The following CDH12 variants were observed in gnomAD, a reference collection of about 807,000 sequenced individuals.
The protein encoded by CDH12 is cadherin-12.
In CDH12, 41 loss-of-function variants were observed where a neutral mutation model predicts 74.1. The observed-to-expected ratio is 0.55, with a 90% CI of 0.43 to 0.72. The LOEUF (loss-of-function observed/expected upper bound fraction) is 0.72. CDH12 is among the 30% of genes least tolerant of loss of function. The probability of loss-of-function intolerance (pLI) is 0.00; values close to 1 mark genes in which losing one functional copy is unlikely to be tolerated. For synonymous variants in CDH12, 399 were observed against 355.0 expected (o/e 1.12, Z -1.39); for missense variants, 945 against 977.2 (o/e 0.97, Z 0.44).
chr5:22,625,208 T>C (rs577477069), intron 1 of CDH12, among the ~76,000 whole-genome samples: 35 of 152,172 alleles, frequency 2.3e-4, no homozygotes, highest in African/African-American at 8.0e-4. Flanking sequence ...ATACCTAATA[T>C]AAATGATGAG....
intron 8 of CDH12, among the ~76,000 whole-genome samples, chr5:21,828,064 GT>G (rs1748779615): frequency 6.6e-6 from 1 of 151,450 alleles, no homozygotes; most frequent in Non-Finnish European, 1.5e-5. Flanking sequence ...AACACTAAAA[GT>G]TTTTTCATAA....
chr5:22,745,741 C>T (rs1028543357), intron 1 of CDH12, among the ~76,000 whole-genome samples: 4 of 151,934 alleles, frequency 2.6e-5, no homozygotes, highest in African/African-American at 9.7e-5. Context: ...CAGAGCGGAA[C>T]GTATCCACTG....
At chr5:21,869,904 C>T (rs992536430) in intron 6 of CDH12, among the ~76,000 whole-genome samples, 4 of 152,040 alleles carry the variant, frequency 2.6e-5, no homozygotes, top group Non-Finnish European at 5.9e-5. Context: ...GTGTCCCCAC[C>T]CAAATCTTAT....
chr5:22,306,038 C>T (rs1226612285), intron 3 of CDH12, among the ~76,000 whole-genome samples: 1 of 152,070 alleles, frequency 6.6e-6, no homozygotes, highest in African/African-American at 2.4e-5. Flanking sequence ...TACAAACTGA[C>T]CAATTGAACT....
chr5:22,766,228 T>C (rs1746508325), intron 1 of CDH12, among the ~76,000 whole-genome samples: 2 of 152,026 alleles, frequency 1.3e-5, no homozygotes, highest in South Asian at 2.1e-4. Context: ...TACTTAAAAT[T>C]TGCATACCAC....
At chr5:22,341,085 T>G (rs1008011861) in intron 3 of CDH12, among the ~76,000 whole-genome samples, 1 of 152,214 alleles carries the variant, frequency 6.6e-6, no homozygotes, top group Non-Finnish European at 1.5e-5. Context: ...CTATATACTT[T>G]TTAGAGACTC....
chr5:22,287,856 T>G (rs1202053809), intron 3 of CDH12, among the ~76,000 whole-genome samples: 1 of 152,164 alleles, frequency 6.6e-6, no homozygotes, highest in African/African-American at 2.4e-5. Flanking sequence ...TGAAAAAGAC[T>G]GTTATCAAGA....
At chr5:22,797,261 A>G (rs965546483) in intron 1 of CDH12, among the ~76,000 whole-genome samples, 2 of 151,790 alleles carry the variant, frequency 1.3e-5, no homozygotes, top group Non-Finnish European at 2.9e-5. Flanking sequence ...CGAGAAGACA[A>G]CCATCTATGA....
intron 1 of CDH12, among the ~76,000 whole-genome samples, chr5:22,664,163 A>G (rs1323236441): frequency 6.6e-6 from 1 of 152,196 alleles, no homozygotes; most frequent in Admixed American, 6.5e-5. Flanking sequence ...ACACAGCATG[A>G]CTGTAGCATT....
At position 22,796,631 on chromosome 5, in the gene CDH12, T is replaced by C. The variant is rs905698555; in HGVS notation, c.-523+56427A>G. On this transcript the variant is annotated intron_variant, in intron 1 of 14. Transcript: ENST00000382254. ...GCCTCCCGGGTTCACGCCATTCTCCTGCCTCAGCCTCCCAAGTAGCTGGGA... is the reference window on the plus strand; with the variant it reads ...GCCTCCCGGGTTCACGCCATTCTCCCGCCTCAGCCTCCCAAGTAGCTGGGA... Among the ~76,000 whole-genome samples the C allele has an allele frequency of 8.4e-5, 10 of 119,274 alleles. 1 individual carries two copies. The South Asian group carries it at 2.6e-3, about 31-fold the overall frequency. 78.2% of individuals were successfully genotyped at this position (119,274 alleles called of 152,430 possible). A position where few individuals can be genotyped will look rare whatever the true frequency, so the allele number is the denominator to read the frequency against.
At chr5:22,599,031 G>A (rs1736729337) in intron 1 of CDH12, among the ~76,000 whole-genome samples, 2 of 152,080 alleles carry the variant, frequency 1.3e-5, no homozygotes, top group Admixed American at 1.3e-4. Flanking sequence ...GCTCTCACTT[G>A]TGTTTAAACA....
chr5:22,054,669 A>G (rs916681537), intron 5 of CDH12, among the ~76,000 whole-genome samples: 1 of 152,140 alleles, frequency 6.6e-6, no homozygotes, highest in Non-Finnish European at 1.5e-5. Context: ...AAAAGAGCAG[A>G]ATAATTTTAT....
At chr5:22,219,073 A>G (rs1303098013) in intron 3 of CDH12, among the ~76,000 whole-genome samples, 1 of 151,690 alleles carries the variant, frequency 6.6e-6, no homozygotes. Context: ...TGGCTGTGAA[A>G]TGCTTAATTA....
At chr5:22,245,170 T>C (rs1752903689) in intron 3 of CDH12, among the ~76,000 whole-genome samples, 1 of 152,174 alleles carries the variant, frequency 6.6e-6, no homozygotes, top group Non-Finnish European at 1.5e-5. Context: ...AAAAAGCCAT[T>C]CGAGTGTTTG....
Position 22,009,003 on chromosome 5 carries a change from T to A in CDH12, c.232-33618A>T, listed in dbSNP as rs771260944. ...TTAGTCTCATTTAGGGGTGCTAATC[T>A]AAGCTCTACCTGGACTATGTGGCCA... On this transcript the variant is annotated intron_variant, in intron 5 of 14. Coordinates refer to ENST00000382254, the MANE Select transcript of CDH12 (RefSeq NM_004061.5). Among the ~76,000 whole-genome samples, 41 of 152,230 alleles carry A rather than the reference T, an allele frequency of 2.7e-4. 1 individual carries two copies. The highest frequency in any genetic ancestry group is 3.4e-4 in the Non-Finnish European group (23 of 68,046).
intron 1 of CDH12, among the ~76,000 whole-genome samples, chr5:22,739,451 A>C (rs1468567890): frequency 6.6e-6 from 1 of 152,068 alleles, no homozygotes; most frequent in East Asian, 1.9e-4. Flanking sequence ...TCATCTTATA[A>C]GTAAATATTT....
intron 1 of CDH12, among the ~76,000 whole-genome samples, chr5:22,772,598 G>GT (rs111866659): frequency 6.6e-5 from 10 of 151,828 alleles, no homozygotes; most frequent in South Asian, 2.1e-4. Context: ...TATCTCACAC[G>GT]TTTTTTTTAA....
chr5:22,580,500 A>T, intron 1 of CDH12: 1 of 482,392 alleles, frequency 2.1e-6, no homozygotes, highest in South Asian at 1.6e-5. Context: ...GCTTGTAGAG[A>T]GTGAGCCGGG....
intron 3 of CDH12, among the ~76,000 whole-genome samples, chr5:22,335,760 T>A (rs981561868): frequency 6.6e-5 from 10 of 152,076 alleles, no homozygotes; most frequent in Admixed American, 2.0e-4. Context: ...CCTTTGTAAA[T>A]TGTCCAGTCT....
Sources: gnomAD v4.1 joint callset for allele counts (sites outside exome capture counted in the v4.1 genomes callset) on GRCh38, gnomAD v4.1.1 for gene constraint, MANE v1.5 for transcripts, NCBI Gene and HGNC (gene_info 2026-07-23, HGNC 2026-07-21) for gene names.